The following TMEM218 variants were observed in gnomAD, a reference collection of about 807,000 sequenced individuals.
The protein encoded by TMEM218 is transmembrane protein 218.
A neutral mutation model predicts 10.0 loss-of-function variants in TMEM218; 8 were observed. That is an observed-to-expected ratio of 0.80 (90% CI 0.47 to 1.44). The LOEUF is 1.44. TMEM218 is among the 40% of genes most tolerant of loss of function. TMEM218 has a pLI of 0.00. For missense variants in TMEM218, 110 were observed against 140.1 expected (o/e 0.79, Z 1.08); for synonymous variants, 66 against 63.5 (o/e 1.04, Z -0.18).
At chr11:125,099,529 G>C (rs1591371513) in intron 4 of TMEM218, among the ~76,000 whole-genome samples, 1 of 152,176 alleles carries the variant, frequency 6.6e-6, no homozygotes, top group East Asian at 1.9e-4. Context: ...AGACAATCGA[G>C]GGATTGATTT....
intron 1 of TMEM218, 151 bp from the exon 2 acceptor site, chr11:125,102,960 G>A (rs1389643625): frequency 7.3e-5 from 19 of 259,422 alleles, no homozygotes; most frequent in South Asian, 5.7e-4. Flanking sequence ...ATATAAGCGC[G>A]ATGGGGTATC....
intron 3 of TMEM218, 134 bp downstream of exon 3, chr11:125,101,998 A>T: frequency 9.9e-7 from 1 of 1,012,438 alleles, no homozygotes; most frequent in South Asian, 2.0e-5. Flanking sequence ...TTATAAAAAG[A>T]GGTTAAAATG....
In TMEM218 at chr11:125,097,814, T is replaced by G. The variant is rs1465531516; in HGVS notation, c.214-74A>C. On this transcript the variant is annotated intron_variant, in intron 4 of 4. Coordinates refer to ENST00000682305, the MANE Select transcript of TMEM218 (RefSeq NM_001258244.2). Reference sequence around the variant, plus strand: ...GGCTGGGTTAACCTGAACTCCATGATGAGTGGGCCAAGAGTTAGTTCATGT... The same window carrying G: ...GGCTGGGTTAACCTGAACTCCATGAGGAGTGGGCCAAGAGTTAGTTCATGT... 5 of 1,453,272 alleles carry G rather than the reference T, an allele frequency of 3.4e-6. No individual in the cohort carries two copies. The African/African-American group carries it at 5.7e-5, about 16-fold the overall frequency. 90.0% of individuals were successfully genotyped at this position (1,453,272 alleles called of 1,614,324 possible).
chr11:125,107,079 G>T (rs1345100822), intron 1 of TMEM218, among the ~76,000 whole-genome samples: 2 of 152,090 alleles, frequency 1.3e-5, no homozygotes, highest in Non-Finnish European at 1.5e-5. Context: ...AATATTAAAT[G>T]AAAAAAGCTA....
chr11:125,095,004 T>G lies in TMEM218; in HGVS notation c.*2602A>C, dbSNP rs1949450915. The stretch of plus-strand genomic sequence containing the variant: ...ATGGTAATTCTGATGCAGTTTTACA[T>G]TAAATTTACATTGTACACAAAGAAT... On this transcript the variant is annotated 3_prime_UTR_variant, in exon 5 of 5. Coordinates refer to ENST00000682305, the MANE Select transcript of TMEM218 (RefSeq NM_001258244.2). 6.6e-6 allele frequency among the ~76,000 whole-genome samples: 1 copy of G among 152,230 alleles called. No individual in the cohort carries two copies. The highest frequency in any genetic ancestry group is 2.4e-5 in the African/African-American group (1 of 41,458).
rs1949806756 is a variant in TMEM218, at chr11:125,097,542, CT to C, written c.*63del. The C allele has an allele frequency of 1.9e-6, 3 of 1,583,522 alleles. No individual in the cohort carries two copies. In the Admixed American group the frequency reaches 5.1e-5, roughly 27 times the overall value. On this transcript the variant is annotated 3_prime_UTR_variant, in exon 5 of 5. Transcript: ENST00000682305. ...GTCAAAACAAGGCTCTGAATAGTGCCTTCCTGCTCATCAATGTCATCACAAT... is the reference window on the plus strand; with the variant it reads ...GTCAAAACAAGGCTCTGAATAGTGCCTCCTGCTCATCAATGTCATCACAAT...
intron 3 of TMEM218, chr11:125,101,583 C>A (rs1950797417): frequency 8.9e-7 from 1 of 1,121,530 alleles, no homozygotes; most frequent in African/African-American, 1.6e-5. Flanking sequence ...TCAAGAAAAA[C>A]CAAAGCATCC....
In TMEM218 at chr11:125,108,987, T is replaced by C. The variant is rs1468812351; in HGVS notation, c.-153+2552A>G. On this transcript the variant is annotated intron_variant, in intron 1 of 4. Coordinates refer to ENST00000682305, the MANE Select transcript of TMEM218 (RefSeq NM_001258244.2). This position sits in a 1 kb window ranked among gnomAD's most constrained non-coding sequence, Gnocchi z 5.3. ...CACCCTAAAACGGGCAGCAACATCT[T>C]CTTGGGGAACCACTGTTCTAGACAC... 6.6e-6 allele frequency among the ~76,000 whole-genome samples: 1 copy of C among 152,142 alleles called. No individual in the cohort carries two copies. Among genetic ancestry groups the C allele is most frequent in the Non-Finnish European group, 1.5e-5 (1 of 68,014 alleles).
Position 125,097,663 on chromosome 11 carries a change from CAAG to C in TMEM218, c.288_290del (p.Phe96del), listed in dbSNP as rs1377159569. 1 of 1,614,056 alleles carries C rather than the reference CAAG, an allele frequency of 6.2e-7. No homozygotes were observed. Among genetic ancestry groups the C allele is most frequent in the Admixed American group, 1.7e-5 (1 of 60,008 alleles). ...GCTCCAGAACATAATGGATTAAAAC[CAAG>C]AAGAGGCCTCCAAGGAAGATGGCAC... On this transcript the variant is annotated inframe_deletion, in exon 5 of 5. Coordinates refer to ENST00000682305, the MANE Select transcript of TMEM218 (RefSeq NM_001258244.2).
Position 125,104,044 on chromosome 11 carries a change from T to C in TMEM218, c.-152-1235A>G, listed in dbSNP as rs555251929. ...GAAGCTCAAGGTCTATTGGAGAACA[T>C]TGTCCTGAAAACAAGTGTCCATATT... On this transcript the variant is annotated intron_variant, in intron 1 of 4. Coordinates refer to ENST00000682305, the MANE Select transcript of TMEM218 (RefSeq NM_001258244.2). 6.6e-5 allele frequency: 10 copies of C among 152,338 alleles called. 1 individual carries two copies. Among genetic ancestry groups the C allele is most frequent in the African/African-American group, 2.4e-4 (10 of 41,562 alleles). 9.4% of individuals were successfully genotyped at this position (152,338 alleles called of 1,614,324 possible).
chr11:125,108,331 T>G lies in TMEM218; in HGVS notation c.-153+3208A>C, dbSNP rs1487030230. ...TTCAATGGGTAAAGAACTTCATAGA[T>G]AGTGTTGGGACAAATGATTCTCCAA... On this transcript the variant is annotated intron_variant, in intron 1 of 4. Transcript: ENST00000682305. The surrounding 1 kb of genome is among the most constrained non-coding windows in gnomAD (Gnocchi z 5.3). Among the ~76,000 whole-genome samples, 1 of 152,160 alleles carries G rather than the reference T, an allele frequency of 6.6e-6. No individual in the cohort carries two copies. The highest frequency in any genetic ancestry group is 2.1e-4 in the South Asian group (1 of 4,824).
chr11:125,111,231 A>G (rs1292901986), intron 1 of TMEM218, among the ~76,000 whole-genome samples: 1 of 151,974 alleles, frequency 6.6e-6, no homozygotes, highest in African/African-American at 2.4e-5. Context: ...CAGGAAAACA[A>G]TGCCCCCCAT....
chr11:125,107,972 T>C (rs960443076), intron 1 of TMEM218, among the ~76,000 whole-genome samples: 7 of 151,244 alleles, frequency 4.6e-5, no homozygotes, highest in African/African-American at 1.7e-4. Flanking sequence ...CCGGATGGGA[T>C]GGTTCAATTA....
intron 1 of TMEM218, among the ~76,000 whole-genome samples, chr11:125,107,844 G>A (rs1266414067): frequency 6.8e-6 from 1 of 146,636 alleles, no homozygotes; most frequent in African/African-American, 2.5e-5. Flanking sequence ...TAAAAGATGA[G>A]TAAGATTTGT....
At chr11:125,102,566 T>G in intron 2 of TMEM218, 168 bp downstream of exon 2, 2 of 1,344,744 alleles carry the variant, frequency 1.5e-6, no homozygotes, top group Non-Finnish European at 1.9e-6. Context: ...ATTTGGTACC[T>G]GAGTTCTACT....
intron 3 of TMEM218, chr11:125,101,791 T>G (rs1950853919): frequency 2.1e-6 from 1 of 479,164 alleles, no homozygotes; most frequent in Admixed American, 3.9e-5. Flanking sequence ...TTCGTTTTCC[T>G]GGGTCCAGGG....
At chr11:125,107,762 T>G (rs1272520610) in intron 1 of TMEM218, among the ~76,000 whole-genome samples, 4 of 149,852 alleles carry the variant, frequency 2.7e-5, no homozygotes, top group Non-Finnish European at 5.9e-5. Context: ...TCTGAATATA[T>G]TTTAAACTTT....
rs1321420215 is a variant in TMEM218, at chr11:125,096,193, A to G, written c.*1413T>C. Reference sequence around the variant, plus strand: ...GAAATGGTTCAATGTAGGGATAACTATACCTGGCCCTCACCAGCCCATGAC... The same window carrying G: ...GAAATGGTTCAATGTAGGGATAACTGTACCTGGCCCTCACCAGCCCATGAC... On this transcript the variant is annotated 3_prime_UTR_variant, in exon 5 of 5. Coordinates refer to ENST00000682305, the MANE Select transcript of TMEM218 (RefSeq NM_001258244.2). Among the ~76,000 whole-genome samples the G allele has an allele frequency of 6.6e-6, 1 of 152,146 alleles. No individual in the cohort carries two copies. The highest frequency in any genetic ancestry group is 2.1e-4 in the South Asian group (1 of 4,814).
rs1347072248 is a variant in TMEM218 at position 125,096,018 on chromosome 11, T to C, written c.*1588A>G. 1.3e-5 allele frequency among the ~76,000 whole-genome samples: 2 copies of C among 152,230 alleles called. No homozygotes were observed. The highest frequency in any genetic ancestry group is 1.5e-5 in the Non-Finnish European group (1 of 68,042). ...CTTGTCTCAATTCCCTCAAGACTTA[T>C]GCATTCTTTTTTCTCTCCCTCAATC... On this transcript the variant is annotated 3_prime_UTR_variant, in exon 5 of 5. Transcript: ENST00000682305.
Sources: gnomAD v4.1 joint callset for allele counts (sites outside exome capture counted in the v4.1 genomes callset) on GRCh38, gnomAD v4.1.1 for gene constraint, Gnocchi (gnomAD v3.1) non-coding constraint, MANE v1.5 for transcripts, NCBI Gene and HGNC (gene_info 2026-07-23, HGNC 2026-07-21) for gene names.